Variants in WWP2 observed in about 807,000 individuals in gnomAD.
The protein encoded by WWP2 is NEDD4-like E3 ubiquitin-protein ligase WWP2.
WWP2 carries 57 observed loss-of-function variants against 121.0 expected under a neutral mutation model. The ratio of observed to expected loss-of-function variants is 0.47; its 90% CI spans 0.38 to 0.59. The LOEUF (loss-of-function observed/expected upper bound fraction) is 0.59. Ranked by LOEUF, WWP2 falls within the 20% of genes least tolerant of loss-of-function variation. The pLI, the probability that WWP2 is intolerant of heterozygous loss-of-function variation, is 0.00. For synonymous variants in WWP2, 449 were observed against 441.3 expected, an observed-to-expected ratio of 1.02 and a Z score of -0.22; for missense variants, 962 against 1,158.9, an observed-to-expected ratio of 0.83 and a Z score of 2.47.
chr16:69,786,422 A>C (rs1013290661), intron 1 of WWP2, among the ~76,000 whole-genome samples: 6 of 137,490 alleles, frequency 4.4e-5, no homozygotes, highest in Non-Finnish European at 7.7e-5. Flanking sequence ...TACAGGCATG[A>C]GCCACTGCGC....
intron 2 of WWP2, among the ~76,000 whole-genome samples, chr16:69,793,809 C>T (rs1386861608): frequency 6.6e-6 from 1 of 151,920 alleles, no homozygotes. Flanking sequence ...ACTATACCTA[C>T]CTCTTATTAG....
chr16:69,909,457 C>A (rs2058348805), intron 9 of WWP2: 2 of 985,450 alleles, frequency 2.0e-6, no homozygotes, highest in African/African-American at 1.7e-5. Context: ...TAGGAGAGCC[C>A]GTGTGCCCTG....
chr16:69,826,659 C>A (rs2056698883), intron 4 of WWP2, among the ~76,000 whole-genome samples: 1 of 146,864 alleles, frequency 6.8e-6, no homozygotes. Context: ...GCGGGTGGAT[C>A]ACGAGGTCAG....
At chr16:69,893,608 ACT>A (rs937323810) in intron 8 of WWP2, among the ~76,000 whole-genome samples, 5 of 151,704 alleles carry the variant, frequency 3.3e-5, no homozygotes, top group African/African-American at 1.2e-4. Flanking sequence ...ATGGAATGTC[ACT>A]CTGCTGGTCC....
chr16:69,781,966 C>T (rs1473352113), intron 1 of WWP2, among the ~76,000 whole-genome samples: 3 of 152,034 alleles, frequency 2.0e-5, no homozygotes, highest in Non-Finnish European at 4.4e-5. Context: ...TCTTCAAGGC[C>T]CCACCTCTCA....
At chr16:69,808,234 TAA>T (rs2056320196) in intron 4 of WWP2, among the ~76,000 whole-genome samples, 1 of 152,174 alleles carries the variant, frequency 6.6e-6, no homozygotes, top group Admixed American at 6.5e-5. Context: ...TCTTTGAGAT[TAA>T]AGATATATGA....
intron 7 of WWP2, among the ~76,000 whole-genome samples, chr16:69,884,801 T>C (rs1294870950): frequency 6.6e-6 from 1 of 152,214 alleles, no homozygotes; most frequent in Non-Finnish European, 1.5e-5. Context: ...GCATTTCTCC[T>C]GCCTTTTCTT....
chr16:69,867,492 C>T (rs1228044611), intron 6 of WWP2, among the ~76,000 whole-genome samples: 1 of 152,162 alleles, frequency 6.6e-6, no homozygotes, highest in Non-Finnish European at 1.5e-5. Flanking sequence ...CCATGACACC[C>T]AAGGCTCTGG....
chr16:69,936,511 C>A, intron 19 of WWP2, 59 bp downstream of exon 19: 4 of 1,604,552 alleles, frequency 2.5e-6, no homozygotes, highest in Non-Finnish European at 3.4e-6. Flanking sequence ...TAGTGGGTTG[C>A]AGAGAAAGAT....
chr16:69,877,649 A>G (rs2057756813), intron 7 of WWP2, among the ~76,000 whole-genome samples: 4 of 152,090 alleles, frequency 2.6e-5, no homozygotes, highest in Non-Finnish European at 5.9e-5. Flanking sequence ...AAACTTAATA[A>G]TATCTAGTAT....
chr16:69,799,041 G>A lies in WWP2; in HGVS notation c.219-133G>A, dbSNP rs2056108063. 4.2e-6 allele frequency: 6 copies of A among 1,416,170 alleles called. No individual in the cohort carries two copies. In the African/African-American group the frequency reaches 4.3e-5, roughly 10 times the overall value. 87.7% of individuals were successfully genotyped at this position (1,416,170 alleles called of 1,614,324 possible). On this transcript the variant is annotated intron_variant, in intron 3 of 23. Transcript: ENST00000359154. This position sits in a 1 kb window ranked among gnomAD's most constrained non-coding sequence, Gnocchi z 4.5. ...GGTTACAGGGTCAGCTTTGAGAGGGGAAAGGATATATGTGGGTGTCTGCCT... is the reference window on the plus strand; with the variant it reads ...GGTTACAGGGTCAGCTTTGAGAGGGAAAAGGATATATGTGGGTGTCTGCCT...
intron 16 of WWP2, among the ~76,000 whole-genome samples, chr16:69,932,154 A>G (rs1395905919): frequency 6.6e-6 from 1 of 152,104 alleles, no homozygotes; most frequent in East Asian, 1.9e-4. Context: ...ACATGGAGAA[A>G]CCCCGTCTCT....
intron 8 of WWP2, among the ~76,000 whole-genome samples, chr16:69,889,989 C>CT (rs1364053933): frequency 2.0e-5 from 3 of 152,108 alleles, no homozygotes; most frequent in Non-Finnish European, 4.4e-5. Context: ...GGGTCTCACT[C>CT]TGTTGCCCAG....
At chr16:69,859,003 A>C (rs2057369116) in intron 6 of WWP2, among the ~76,000 whole-genome samples, 2 of 152,236 alleles carry the variant, frequency 1.3e-5, no homozygotes, top group Admixed American at 1.3e-4. Context: ...TTCCCTAGTC[A>C]TGCATGTATT....
At position 69,888,102 on chromosome 16, in the gene WWP2, C is replaced by T. The variant is rs766785766; in HGVS notation, c.767C>T (p.Pro256Leu). ...EEPSVVGVTS[P>L]PAAPLSVTPN... ...CCTTCCGTTGTTGGTGTGACGTCCC[C>T]ACCTGCTGCACCCTTGAGTGTGACC... Residue 256 changes from proline (P) to leucine (L), a missense_variant, in exon 8 of 24, where the codon CCA (proline) becomes CTA (leucine). This residue lies in a region of WWP2 where 211 missense variants were observed against 196.5 expected (regional missense o/e 1.07). Coordinates refer to ENST00000359154, the MANE Select transcript of WWP2 (RefSeq NM_001270454.2). The T allele has an allele frequency of 3.0e-5, 48 of 1,614,140 alleles. No homozygotes were observed. The highest frequency in any genetic ancestry group is 3.7e-5 in the Non-Finnish European group (44 of 1,180,062).
chr16:69,813,572 C>T (rs1164218527), intron 4 of WWP2, among the ~76,000 whole-genome samples: 1 of 152,216 alleles, frequency 6.6e-6, no homozygotes, highest in Admixed American at 6.5e-5. Flanking sequence ...AAGCGATCCC[C>T]CCACCTCAGC....
At chr16:69,771,128 G>A (rs1321566900) in intron 1 of WWP2, among the ~76,000 whole-genome samples, 2 of 152,180 alleles carry the variant, frequency 1.3e-5, no homozygotes, top group African/African-American at 4.8e-5. Flanking sequence ...AGATTGACAG[G>A]TCTGAAAGGT....
intron 9 of WWP2, among the ~76,000 whole-genome samples, chr16:69,914,208 A>G (rs1003462654): frequency 1.3e-5 from 2 of 152,126 alleles, no homozygotes; most frequent in Non-Finnish European, 2.9e-5. Flanking sequence ...GAAAGAACAG[A>G]GAAACAGGCA....
chr16:69,908,027 G>A (rs1421445323), intron 8 of WWP2, among the ~76,000 whole-genome samples: 2 of 152,162 alleles, frequency 1.3e-5, no homozygotes, highest in African/African-American at 2.4e-5. Flanking sequence ...GGTCGCTTGA[G>A]CTCAGGGGTT....
Sources: allele counts gnomAD v4.1 joint callset (sites outside exome capture counted in the v4.1 genomes callset), GRCh38; gene constraint gnomAD v4.1.1; regional missense constraint gnomAD v4.1.1; non-coding constraint Gnocchi (gnomAD v3.1); transcripts MANE v1.5; gene names NCBI Gene and HGNC (gene_info 2026-07-23, HGNC 2026-07-21).